Variants in ZMYM1 observed in about 807,000 individuals in gnomAD.
ZMYM1 encodes zinc finger MYM-type containing 1.
A neutral mutation model predicts 60.0 loss-of-function variants in ZMYM1; 39 were observed. That is an observed-to-expected ratio of 0.65 (90% CI 0.50 to 0.85). The LOEUF (loss-of-function observed/expected upper bound fraction) is 0.85, where lower values mean the gene tolerates loss of function less well. ZMYM1 is among the 40% of genes least tolerant of loss of function. ZMYM1 has a pLI of 0.00. For synonymous variants in ZMYM1, 413 were observed against 454.0 expected (o/e 0.91, Z 1.15); for missense variants, 1,171 against 1,309.5 (o/e 0.89, Z 1.63).
In ZMYM1 at chr1:35,095,735, A is replaced by G; in HGVS notation, c.97-84A>G. On this transcript the variant is annotated intron_variant, in intron 2 of 9. Transcript: ENST00000359858. Reference sequence around the variant, plus strand: ...AATTCATTGACCAGACTTGACCACAATTTATCATTTTCTGTTGAATGACTG... The same window carrying G: ...AATTCATTGACCAGACTTGACCACAGTTTATCATTTTCTGTTGAATGACTG... 3 of 1,193,240 alleles carry G rather than the reference A, an allele frequency of 2.5e-6. No homozygotes were observed. In the South Asian group the frequency reaches 4.3e-5, roughly 17 times the overall value. The allele number at this position is 1,193,240 out of a possible 1,614,324, so 73.9% of individuals were successfully genotyped here. A position where few individuals can be genotyped will look rare whatever the true frequency, so the allele number is the denominator to read the frequency against.
intron 6 of ZMYM1, among the ~76,000 whole-genome samples, chr1:35,107,305 A>C (rs1425550886): frequency 7.9e-6 from 1 of 126,174 alleles, no homozygotes; most frequent in Admixed American, 7.5e-5. Flanking sequence ...CTAAAAATAC[A>C]AAAAAAAAAA....
chr1:35,098,475 A>C (rs907319481), intron 4 of ZMYM1, among the ~76,000 whole-genome samples: 1 of 152,226 alleles, frequency 6.6e-6, no homozygotes, highest in Non-Finnish European at 1.5e-5. Flanking sequence ...AAATATAACA[A>C]ATTTCTTTCA....
Position 35,113,777 on chromosome 1 carries a change from G to A in ZMYM1, c.1947G>A (p.Glu649=). ...DSSAFSIICD[E]TINSAMKEQL... ...CAGCATTTTCAATCATATGTGATGA[G>A]ACAATCAATAGTGCCATGAAAGAAC... The change falls in exon 10 of 10, where the codon GAG becomes GAA. Residue 649 remains glutamate, a synonymous_variant. Coordinates refer to ENST00000359858, the MANE Select transcript of ZMYM1 (RefSeq NM_024772.5). 1.9e-6 allele frequency: 3 copies of A among 1,613,890 alleles called. No individual in the cohort carries two copies. The highest frequency in any genetic ancestry group is 2.5e-6 in the Non-Finnish European group (3 of 1,179,884).
At chr1:35,087,783 C>T (rs1477101770) in intron 1 of ZMYM1, among the ~76,000 whole-genome samples, 2 of 151,976 alleles carry the variant, frequency 1.3e-5, no homozygotes, top group Non-Finnish European at 2.9e-5. Flanking sequence ...TGAATATGGG[C>T]CGAGGGCAGT....
At chr1:35,108,430 C>T (rs986688266) in intron 6 of ZMYM1, among the ~76,000 whole-genome samples, 2 of 152,112 alleles carry the variant, frequency 1.3e-5, no homozygotes, top group African/African-American at 4.8e-5. Flanking sequence ...CAGCTCACTG[C>T]AACCTCCGCC....
At position 35,071,587 on chromosome 1, in the gene ZMYM1, G is replaced by A. The variant is rs140256334; in HGVS notation, c.-300-7407G>A. Among the ~76,000 whole-genome samples the A allele has an allele frequency of 3.7e-3, 565 of 152,074 alleles. 2 individuals carry two copies. The highest frequency in any genetic ancestry group is 6.8e-3 in the Middle Eastern group (2 of 294). ...GGGCCCCAGCAGTCCTCCCACCTCA[G>A]CCTCCCAAAATGCTGGAATTATAGT... On this transcript the variant is annotated intron_variant, in intron 1 of 10. Transcript: ENST00000417119.
intron 6 of ZMYM1, among the ~76,000 whole-genome samples, chr1:35,105,789 AG>A (rs1434763864): frequency 6.6e-6 from 1 of 152,050 alleles, no homozygotes; most frequent in African/African-American, 2.4e-5. Flanking sequence ...ATTTTTTTGT[AG>A]AGACAAGCTC....
chr1:35,117,353 T>C (rs1262873460), downstream of ZMYM1, among the ~76,000 whole-genome samples: 2 of 152,116 alleles, frequency 1.3e-5, no homozygotes, highest in African/African-American at 2.4e-5. Context: ...AGTCTCGCTC[T>C]GTTGCCCAGG....
chr1:35,099,241 C>T (rs78075643), intron 4 of ZMYM1, among the ~76,000 whole-genome samples: 2,136 of 152,270 alleles, frequency 0.014, 59 homozygotes, highest in African/African-American at 0.048. Context: ...ACGTTACTTA[C>T]CATTCTCTTT....
downstream of ZMYM1, among the ~76,000 whole-genome samples, chr1:35,117,601 C>T (rs1644262176): frequency 6.6e-6 from 1 of 151,938 alleles, no homozygotes; most frequent in Non-Finnish European, 1.5e-5. Context: ...GGATTACAGG[C>T]ATAAGCCACC....
intron 4 of ZMYM1, among the ~76,000 whole-genome samples, chr1:35,098,624 A>G (rs1643467269): frequency 6.6e-6 from 1 of 152,200 alleles, no homozygotes; most frequent in African/African-American, 2.4e-5. Flanking sequence ...GCACTTTCTC[A>G]GGCTGGGAGC....
intron 4 of ZMYM1, among the ~76,000 whole-genome samples, chr1:35,098,318 T>G (rs908887576): frequency 2.0e-5 from 3 of 152,116 alleles, no homozygotes; most frequent in African/African-American, 7.2e-5. Flanking sequence ...TTTTAAAAAT[T>G]TATGTGAGAA....
intron 1 of ZMYM1, among the ~76,000 whole-genome samples, chr1:35,066,086 G>A (rs935874071): frequency 1.3e-5 from 2 of 151,992 alleles, no homozygotes; most frequent in Non-Finnish European, 2.9e-5. Flanking sequence ...GATTTCACAA[G>A]GAATCTATAA....
intron 1 of ZMYM1, among the ~76,000 whole-genome samples, chr1:35,073,082 G>A (rs113911911): frequency 0.16 from 20,711 of 133,054 alleles, 4,604 homozygotes; most frequent in African/African-American, 0.51. Flanking sequence ...ATTCCATCTC[G>A]AAAAAAAAAA....
chr1:35,082,134 T>C (rs917807884), intron 1 of ZMYM1, among the ~76,000 whole-genome samples: 8 of 152,200 alleles, frequency 5.3e-5, no homozygotes, highest in African/African-American at 1.9e-4. Flanking sequence ...TCTTGCTTTA[T>C]TGATCTAACT....
intron 4 of ZMYM1, among the ~76,000 whole-genome samples, chr1:35,101,270 C>T (rs3125603): frequency 1.3e-5 from 2 of 151,050 alleles, no homozygotes; most frequent in East Asian, 3.9e-4. Context: ...CACCATGCCC[C>T]GTTAATTTTT....
chr1:35,083,236 C>T (rs1642482919), intron 1 of ZMYM1, among the ~76,000 whole-genome samples: 1 of 151,784 alleles, frequency 6.6e-6, no homozygotes, highest in South Asian at 2.1e-4. Context: ...ACTGTAGCCT[C>T]ACCCTCCCGG....
intron 1 of ZMYM1, among the ~76,000 whole-genome samples, chr1:35,063,231 G>A (rs1427548219): frequency 6.6e-6 from 1 of 151,644 alleles, no homozygotes; most frequent in Non-Finnish European, 1.5e-5. Context: ...GGCTCCAGTG[G>A]TTCTTCAGCC....
At chr1:35,088,031 G>T (rs1307686914) in intron 1 of ZMYM1, among the ~76,000 whole-genome samples, 1 of 152,020 alleles carries the variant, frequency 6.6e-6, no homozygotes, top group Non-Finnish European at 1.5e-5. Flanking sequence ...CTGCACTCCA[G>T]CCTGGGTGAC....
Sources: allele counts gnomAD v4.1 joint callset (sites outside exome capture counted in the v4.1 genomes callset), GRCh38; gene constraint gnomAD v4.1.1; transcripts MANE v1.5; gene names NCBI Gene and HGNC (gene_info 2026-07-23, HGNC 2026-07-21).